The following GABBR2 variants were observed in gnomAD, a reference collection of about 807,000 sequenced individuals.
The protein encoded by GABBR2 is G-protein coupled receptor 51.
Under a neutral mutation model 105.6 loss-of-function variants are expected in GABBR2, and 23 were observed. The observed-to-expected ratio is 0.22, with a 90% CI of 0.16 to 0.31. The LOEUF is 0.31. GABBR2 is among the 10% of genes least tolerant of loss of function. The probability of loss-of-function intolerance (pLI) is 1.00; values close to 1 mark genes in which losing one functional copy is unlikely to be tolerated. For missense variants in GABBR2, 734 were observed against 1,245.5 expected (o/e 0.59, Z 6.18); for synonymous variants, 478 against 499.7 (o/e 0.96, Z 0.58).
intron 15 of GABBR2, among the ~76,000 whole-genome samples, chr9:98,304,613 C>T (rs2131352212): frequency 6.6e-6 from 1 of 152,296 alleles, no homozygotes; most frequent in Non-Finnish European, 1.5e-5. Flanking sequence ...CTCACAGTGC[C>T]TGGGGGCTGA....
At chr9:98,493,399 G>C (rs1827216344) in intron 4 of GABBR2, among the ~76,000 whole-genome samples, 2 of 152,158 alleles carry the variant, frequency 1.3e-5, no homozygotes, top group Non-Finnish European at 2.9e-5. Context: ...TGTTTCTACT[G>C]TTTTGGATTT....
At chr9:98,609,397 C>T (rs556311312) in intron 1 of GABBR2, among the ~76,000 whole-genome samples, 19 of 152,296 alleles carry the variant, frequency 1.2e-4, no homozygotes, top group South Asian at 1.0e-3. Flanking sequence ...TGCAGTTTCT[C>T]GCACCTCGAA....
At chr9:98,315,448 ATGT>A (rs1345551517) in intron 13 of GABBR2, among the ~76,000 whole-genome samples, 2 of 152,322 alleles carry the variant, frequency 1.3e-5, no homozygotes, top group East Asian at 3.9e-4. Context: ...GGGAGTGATG[ATGT>A]TCCTGTTCCT....
At chr9:98,551,831 T>C (rs1828491736) in intron 2 of GABBR2, among the ~76,000 whole-genome samples, 1 of 152,094 alleles carries the variant, frequency 6.6e-6, no homozygotes, top group Non-Finnish European at 1.5e-5. Context: ...CAAGGGTAAG[T>C]CATTTCCCCC....
At chr9:98,406,467 G>A (rs1370601302) in intron 7 of GABBR2, among the ~76,000 whole-genome samples, 1 of 152,242 alleles carries the variant, frequency 6.6e-6, no homozygotes, top group Non-Finnish European at 1.5e-5. Context: ...CGTCTTCTGG[G>A]GTGCTGGAAA....
intron 7 of GABBR2, among the ~76,000 whole-genome samples, chr9:98,445,234 T>C (rs1031643318): frequency 2.6e-5 from 4 of 152,160 alleles, no homozygotes; most frequent in Non-Finnish European, 5.9e-5. Flanking sequence ...ATCTGGGAGA[T>C]AGTAATTCGC....
intron 13 of GABBR2, among the ~76,000 whole-genome samples, chr9:98,361,910 G>C (rs776409571): frequency 3.9e-5 from 6 of 152,214 alleles, no homozygotes; most frequent in Non-Finnish European, 7.3e-5. Flanking sequence ...AAGATAAAAG[G>C]CTCTGCCCTC....
chr9:98,457,386 T>C (rs909313029), intron 6 of GABBR2, among the ~76,000 whole-genome samples: 35 of 152,382 alleles, frequency 2.3e-4, no homozygotes, highest in Admixed American at 1.1e-3. Context: ...GTGGTCTCAC[T>C]GGGTGGTAAC....
At chr9:98,502,388 C>T (rs1047348930) in intron 3 of GABBR2, among the ~76,000 whole-genome samples, 2 of 152,194 alleles carry the variant, frequency 1.3e-5, no homozygotes, top group African/African-American at 4.8e-5. Context: ...CTGCACCTCT[C>T]CATTAAACAC....
chr9:98,582,863 C>T (rs1168743845), intron 1 of GABBR2, among the ~76,000 whole-genome samples: 1 of 152,146 alleles, frequency 6.6e-6, no homozygotes, highest in Non-Finnish European at 1.5e-5. Context: ...AACATCTAGG[C>T]ATTGCTAATC....
intron 6 of GABBR2, among the ~76,000 whole-genome samples, chr9:98,468,441 T>G (rs1362727631): frequency 1.3e-5 from 2 of 152,106 alleles, no homozygotes; most frequent in African/African-American, 2.4e-5. Flanking sequence ...TGTGCTAGGA[T>G]GAAGTGAATA....
At chr9:98,588,505 C>T (rs1274667523) in intron 1 of GABBR2, among the ~76,000 whole-genome samples, 1 of 152,218 alleles carries the variant, frequency 6.6e-6, no homozygotes, top group Non-Finnish European at 1.5e-5. Flanking sequence ...GCTGTATATA[C>T]ACTAACTCAC....
intron 8 of GABBR2, among the ~76,000 whole-genome samples, chr9:98,404,340 C>A (rs1444780233): frequency 6.6e-6 from 1 of 152,196 alleles, no homozygotes; most frequent in Non-Finnish European, 1.5e-5. Flanking sequence ...ACACGCGTTT[C>A]AATTACCTGC....
At chr9:98,668,068 C>T (rs1476479899) in intron 1 of GABBR2, among the ~76,000 whole-genome samples, 2 of 152,240 alleles carry the variant, frequency 1.3e-5, no homozygotes, top group African/African-American at 2.4e-5. Context: ...AGCTCCAGGG[C>T]TCTCCCTGGG....
intron 13 of GABBR2, among the ~76,000 whole-genome samples, chr9:98,361,440 G>T (rs1482853290): frequency 6.6e-6 from 1 of 152,172 alleles, no homozygotes; most frequent in Non-Finnish European, 1.5e-5. Flanking sequence ...GGCCCAGTTA[G>T]CCAATGATAG....
intron 2 of GABBR2, among the ~76,000 whole-genome samples, chr9:98,545,828 C>T (rs1287241239): frequency 2.6e-5 from 4 of 152,126 alleles, no homozygotes; most frequent in Non-Finnish European, 4.4e-5. Context: ...CTGCCTCCTA[C>T]ATGCTCCCCA....
At chr9:98,682,242 A>G (rs1468051879) in intron 1 of GABBR2, among the ~76,000 whole-genome samples, 2 of 151,248 alleles carry the variant, frequency 1.3e-5, no homozygotes, top group Non-Finnish European at 2.9e-5. Context: ...AAAAAAAAAC[A>G]AAACAAAAAA....
intron 1 of GABBR2, among the ~76,000 whole-genome samples, chr9:98,651,139 GTT>G (rs55727456): frequency 0.056 from 7,262 of 129,572 alleles, 585 homozygotes; most frequent in East Asian, 0.41. Context: ...ACACACACTG[GTT>G]TTTTTTTTTT....
intron 1 of GABBR2, among the ~76,000 whole-genome samples, chr9:98,652,632 C>G (rs914003513): frequency 1.3e-5 from 2 of 152,236 alleles, no homozygotes; most frequent in African/African-American, 4.8e-5. Flanking sequence ...GAGGCTAGAG[C>G]CCATTTCTGA....
Sources: gnomAD v4.1 joint callset for allele counts (sites outside exome capture counted in the v4.1 genomes callset) on GRCh38, gnomAD v4.1.1 for gene constraint, MANE v1.5 for transcripts, NCBI Gene and HGNC (gene_info 2026-07-23, HGNC 2026-07-21) for gene names.